ARFGEF1: variants seen among roughly 807,000 people sequenced by gnomAD.
ARFGEF1 encodes brefeldin A-inhibited guanine nucleotide-exchange protein 1.
ARFGEF1 carries 42 observed loss-of-function variants against 231.0 expected under a neutral mutation model. The ratio of observed to expected loss-of-function variants is 0.18; its 90% confidence interval spans 0.14 to 0.24. The LOEUF (loss-of-function observed/expected upper bound fraction) is 0.24, where lower values mean the gene tolerates loss of function less well. Among genes scored for constraint, ARFGEF1 ranks in the 10% least tolerant of loss-of-function variants. ARFGEF1 has a pLI of 1.00. For missense variants in ARFGEF1, 1,345 were observed against 2,192.0 expected, an observed-to-expected ratio of 0.61 and a Z score of 7.72; for synonymous variants, 710 against 732.3, an observed-to-expected ratio of 0.97 and a Z score of 0.49.
intron 33 of ARFGEF1, among the ~76,000 whole-genome samples, chr8:67,213,617 A>T (rs1050436284): frequency 6.6e-6 from 1 of 152,232 alleles, no homozygotes; most frequent in Non-Finnish European, 1.5e-5. Context: ...ATTCAATTAA[A>T]CACTATTCCA....
At chr8:67,264,672 C>T (rs1563873738) in intron 14 of ARFGEF1, among the ~76,000 whole-genome samples, 1 of 152,024 alleles carries the variant, frequency 6.6e-6, no homozygotes, top group Non-Finnish European at 1.5e-5. Context: ...GACAAGTATA[C>T]TAGGAATACA....
At position 67,267,238 on chromosome 8, in the gene ARFGEF1, AAT is replaced by A; in HGVS notation, c.1673-10_1673-9del. Reference sequence around the variant, plus strand: ...CCACTACACTCTGAGCATCTGTAACAATATAACATTAATTTCAACAAAGTACA... The same window carrying A: ...CCACTACACTCTGAGCATCTGTAACAATAACATTAATTTCAACAAAGTACA... On this transcript the variant is annotated splice_polypyrimidine_tract_variant and intron_variant, in intron 11 of 38. Transcript: ENST00000262215. 6.2e-7 allele frequency: 1 copy of A among 1,610,324 alleles called. No individual in the cohort carries two copies.
At chr8:67,329,271 G>C (rs1433245439) in intron 1 of ARFGEF1, among the ~76,000 whole-genome samples, 1 of 151,194 alleles carries the variant, frequency 6.6e-6, no homozygotes, top group Non-Finnish European at 1.5e-5. Flanking sequence ...TAAGAATTTA[G>C]GCCGGGCACA....
At chr8:67,245,862 C>T (rs1196370531) in intron 19 of ARFGEF1, among the ~76,000 whole-genome samples, 2 of 150,336 alleles carry the variant, frequency 1.3e-5, no homozygotes, top group Non-Finnish European at 2.9e-5. Context: ...ACACACTTCA[C>T]CTGTAATGAT....
chr8:67,299,129 C>T (rs1166956205), intron 4 of ARFGEF1, 80 bp downstream of exon 4: 2 of 1,278,408 alleles, frequency 1.6e-6, no homozygotes, highest in Admixed American at 5.8e-5. Flanking sequence ...AATGATCTTT[C>T]CTAATGTTTT....
At chr8:67,252,887 T>C (rs1301516243) in intron 18 of ARFGEF1, among the ~76,000 whole-genome samples, 1 of 152,170 alleles carries the variant, frequency 6.6e-6, no homozygotes, top group African/African-American at 2.4e-5. Context: ...CATTTATGTG[T>C]AACAAAAGAT....
chr8:67,307,250 T>G (rs1806791005), intron 1 of ARFGEF1, among the ~76,000 whole-genome samples: 1 of 152,236 alleles, frequency 6.6e-6, no homozygotes, highest in Non-Finnish European at 1.5e-5. Context: ...CTCCTCCTTT[T>G]AAATGAATAA....
At position 67,227,727 on chromosome 8, in the gene ARFGEF1, C is replaced by T. The variant is rs929318820; in HGVS notation, c.3592-129G>A. 31 of 1,023,536 alleles carry T rather than the reference C, an allele frequency of 3.0e-5. 1 individual carries two copies. The African/African-American group carries it at 4.4e-4, about 15-fold the overall frequency. 63.4% of individuals were successfully genotyped at this position (1,023,536 alleles called of 1,614,324 possible). A position where few individuals can be genotyped will look rare whatever the true frequency, so the allele number is the denominator to read the frequency against. ...TAAATCCTAAGATTTTCCATAAAGG[C>T]ATTAAGTATGCTAAAACTATTTCTC... On this transcript the variant is annotated intron_variant, in intron 25 of 38. Coordinates refer to ENST00000262215, the MANE Select transcript of ARFGEF1 (RefSeq NM_006421.5).
At chr8:67,230,064 G>A (rs1839505543) in intron 23 of ARFGEF1, among the ~76,000 whole-genome samples, 1 of 151,976 alleles carries the variant, frequency 6.6e-6, no homozygotes, top group African/African-American at 2.4e-5. Flanking sequence ...TCCATTCTGA[G>A]AAAGGGCATC....
intron 1 of ARFGEF1, among the ~76,000 whole-genome samples, chr8:67,308,823 T>A (rs1284039432): frequency 6.6e-6 from 1 of 152,118 alleles, no homozygotes; most frequent in Non-Finnish European, 1.5e-5. Context: ...ATTTATGGGG[T>A]ACAATGAGGT....
intron 15 of ARFGEF1, 44 bp downstream of exon 15, chr8:67,259,771 C>T (rs1840581954): frequency 6.9e-7 from 1 of 1,441,604 alleles, no homozygotes; most frequent in Non-Finnish European, 9.5e-7. Context: ...AAAAAAATCC[C>T]AAGAATTTTA....
intron 19 of ARFGEF1, among the ~76,000 whole-genome samples, chr8:67,247,856 A>G (rs1840153912): frequency 6.6e-6 from 1 of 150,616 alleles, no homozygotes; most frequent in African/African-American, 2.5e-5. Flanking sequence ...TAAATTCAGT[A>G]AAGCTGCAGG....
intron 5 of ARFGEF1, among the ~76,000 whole-genome samples, chr8:67,177,889 T>C (rs1832077669): frequency 6.6e-6 from 1 of 152,204 alleles, no homozygotes; most frequent in Non-Finnish European, 1.5e-5. Context: ...TAGTGTAATA[T>C]ATATAGAAAA....
At chr8:67,195,665 C>T, downstream of ARFGEF1, 1 of 1,357,156 alleles carries the variant, frequency 7.4e-7, no homozygotes, top group Non-Finnish European at 1.0e-6. Context: ...TTTAATATGT[C>T]CTACTTTTGG....
intron 5 of ARFGEF1, among the ~76,000 whole-genome samples, chr8:67,184,779 G>T (rs1385430321): frequency 1.5e-5 from 2 of 136,652 alleles, no homozygotes; most frequent in Middle Eastern, 3.5e-3. Flanking sequence ...AAGGTTGGGG[G>T]GCATATCACT....
intron 1 of ARFGEF1, among the ~76,000 whole-genome samples, chr8:67,326,097 G>T (rs1807819160): frequency 6.6e-6 from 1 of 152,176 alleles, no homozygotes; most frequent in Admixed American, 6.5e-5. Flanking sequence ...TACTTAGGAG[G>T]CTGAGGTAGG....
At chr8:67,270,728 A>C (rs1229014290) in intron 10 of ARFGEF1, among the ~76,000 whole-genome samples, 3 of 150,638 alleles carry the variant, frequency 2.0e-5, no homozygotes, top group Non-Finnish European at 3.0e-5. Flanking sequence ...AAAAAAAAAA[A>C]AAAAAACCAC....
At chr8:67,296,732 C>A in intron 4 of ARFGEF1, 122 bp from the exon 5 acceptor site, 1 of 711,650 alleles carries the variant, frequency 1.4e-6, no homozygotes, top group Non-Finnish European at 2.2e-6. Flanking sequence ...TTCACTGCAG[C>A]CTTGAACTCC....
intron 29 of ARFGEF1, among the ~76,000 whole-genome samples, chr8:67,222,107 A>G (rs1408779322): frequency 6.8e-6 from 1 of 147,930 alleles, no homozygotes; most frequent in African/African-American, 2.5e-5. Context: ...GCCACCATGC[A>G]TGCCCAGCCT....
Sources: allele counts gnomAD v4.1 joint callset (sites outside exome capture counted in the v4.1 genomes callset), GRCh38; gene constraint gnomAD v4.1.1; transcripts MANE v1.5; gene names NCBI Gene and HGNC (gene_info 2026-07-23, HGNC 2026-07-21).